The following THEMIS variants were observed in gnomAD, a reference collection of about 807,000 sequenced individuals.
THEMIS encodes the protein thymocyte selection associated, also known as protein THEMIS.
THEMIS carries 37 observed loss-of-function variants against 52.6 expected under a neutral mutation model. That is an observed-to-expected ratio of 0.70 (90% CI 0.54 to 0.93). THEMIS has a LOEUF of 0.93. Ranked by LOEUF, THEMIS falls within the 40% of genes least tolerant of loss-of-function variation. The probability of loss-of-function intolerance (pLI) is 0.00; values close to 1 mark genes in which losing one functional copy is unlikely to be tolerated. For synonymous variants in THEMIS, 292 were observed against 272.7 expected (o/e 1.07, Z -0.70); for missense variants, 808 against 763.1 (o/e 1.06, Z -0.69).
chr6:127,701,429 C>T, the THEMIS span, among the ~76,000 whole-genome samples: 1 of 152,016 alleles, frequency 6.6e-6, no homozygotes, highest in East Asian at 1.9e-4. Context: ...ATGTGTTTGC[C>T]TATTCTACTA....
At chr6:127,913,922 G>A (rs755182005) in intron 1 of THEMIS, among the ~76,000 whole-genome samples, 1 of 152,148 alleles carries the variant, frequency 6.6e-6, no homozygotes, top group Non-Finnish European at 1.5e-5. Context: ...TAAAATGGTG[G>A]AGGCCAAGTC....
intron 4 of THEMIS, among the ~76,000 whole-genome samples, chr6:127,729,396 C>T (rs1168732863): frequency 6.6e-6 from 1 of 152,056 alleles, no homozygotes; most frequent in African/African-American, 2.4e-5. Context: ...GCCTTTTTCT[C>T]TTTTATCAAA....
chr6:127,856,474 T>C (rs1426523707), intron 1 of THEMIS, among the ~76,000 whole-genome samples: 1 of 151,908 alleles, frequency 6.6e-6, no homozygotes, highest in East Asian at 1.9e-4. Context: ...TCCATAGGCA[T>C]CCCATTAGCC....
chr6:127,846,137 G>T (rs962022857), intron 2 of THEMIS, among the ~76,000 whole-genome samples: 3 of 151,990 alleles, frequency 2.0e-5, no homozygotes, highest in Non-Finnish European at 4.4e-5. Flanking sequence ...AGCTAACTAA[G>T]CAGGGACTTC....
intron 1 of THEMIS, among the ~76,000 whole-genome samples, chr6:127,893,799 T>C (rs1780882919): frequency 6.6e-6 from 1 of 152,020 alleles, no homozygotes; most frequent in Non-Finnish European, 1.5e-5. Flanking sequence ...GGAATCTGGC[T>C]CCACTGCCTG....
intron 3 of THEMIS, among the ~76,000 whole-genome samples, chr6:127,816,231 C>T (rs1467641538): frequency 6.6e-6 from 1 of 152,108 alleles, no homozygotes; most frequent in Non-Finnish European, 1.5e-5. Context: ...CCACCCACCC[C>T]TCACACACAC....
chr6:127,872,543 C>G (rs1421412710), intron 1 of THEMIS, among the ~76,000 whole-genome samples: 1 of 152,062 alleles, frequency 6.6e-6, no homozygotes, highest in Non-Finnish European at 1.5e-5. Flanking sequence ...GCCTGGGTGA[C>G]AGAGTGAGAC....
intron 5 of THEMIS, among the ~76,000 whole-genome samples, chr6:127,714,393 T>C (rs1042170670): frequency 5.1e-4 from 77 of 151,892 alleles, no homozygotes; most frequent in African/African-American, 1.8e-3. Flanking sequence ...TTTTTACATG[T>C]CAAAAATATT....
At chr6:127,885,336 T>C (rs1780611943) in intron 1 of THEMIS, among the ~76,000 whole-genome samples, 1 of 152,178 alleles carries the variant, frequency 6.6e-6, no homozygotes, top group Non-Finnish European at 1.5e-5. Context: ...TATTTGGGCT[T>C]CAAGTCCTAG....
chr6:127,907,660 G>T (rs78299490), intron 1 of THEMIS, among the ~76,000 whole-genome samples: 2,672 of 151,918 alleles, frequency 0.018, 87 homozygotes, highest in African/African-American at 0.06. Flanking sequence ...TGGAAGAGGA[G>T]ATATATCAAA....
chr6:127,856,847 C>G (rs2114309158), intron 1 of THEMIS, among the ~76,000 whole-genome samples: 1 of 152,064 alleles, frequency 6.6e-6, no homozygotes, highest in African/African-American at 2.4e-5. Flanking sequence ...ATTTTTCCCC[C>G]AATTGACTCT....
At chr6:127,880,122 G>A (rs557833107) in intron 1 of THEMIS, among the ~76,000 whole-genome samples, 2 of 152,072 alleles carry the variant, frequency 1.3e-5, no homozygotes, top group African/African-American at 4.8e-5. Context: ...TGATGGCTGG[G>A]GCTTTTATTT....
At chr6:127,822,359 T>G (rs993416393) in intron 3 of THEMIS, among the ~76,000 whole-genome samples, 1 of 152,102 alleles carries the variant, frequency 6.6e-6, no homozygotes, top group Admixed American at 6.6e-5. Context: ...AAAGCTATAC[T>G]GTGAATTTCT....
At position 127,709,979 on chromosome 6, in the gene THEMIS, A is replaced by G. The variant is rs1166732808; in HGVS notation, c.*6T>C. 2 of 1,590,364 alleles carry G rather than the reference A, an allele frequency of 1.3e-6. No individual in the cohort carries two copies. Among genetic ancestry groups the G allele is most frequent in the Non-Finnish European group, 1.7e-6 (2 of 1,169,896 alleles). On this transcript the variant is annotated 3_prime_UTR_variant, in exon 6 of 6. Transcript: ENST00000368248. ...TTGCTGCCTAAGTGGCTTCTGTCAC[A>G]TCTTGTTATTTTTGATGTTTTTCAT...
Position 127,824,614 on chromosome 6 carries a change from C to G in THEMIS, c.709+4862G>C, listed in dbSNP as rs1215151029. 2.6e-5 allele frequency among the ~76,000 whole-genome samples: 4 copies of G among 151,826 alleles called. No homozygotes were observed. In the East Asian group the frequency reaches 7.7e-4, roughly 29 times the overall value. Reference sequence around the variant, plus strand: ...ACCAAAACTTAAAAAAAAAAGAACCCCAAAAGAGGAAGATATTTTGCAGTG... The same window carrying G: ...ACCAAAACTTAAAAAAAAAAGAACCGCAAAAGAGGAAGATATTTTGCAGTG... On this transcript the variant is annotated intron_variant, in intron 3 of 5. Transcript: ENST00000368248.
chr6:127,832,615 G>A (rs766248612), intron 2 of THEMIS, among the ~76,000 whole-genome samples: 14 of 151,786 alleles, frequency 9.2e-5, no homozygotes, highest in African/African-American at 1.9e-4. Flanking sequence ...GTGTACAATC[G>A]TTTTATACTG....
chr6:127,760,393 A>G (rs955993879), intron 4 of THEMIS, among the ~76,000 whole-genome samples: 1 of 152,128 alleles, frequency 6.6e-6, no homozygotes, highest in African/African-American at 2.4e-5. Context: ...GACTTTCAGA[A>G]TTATTTTTTC....
chr6:127,893,691 C>CA (rs1780878828), intron 1 of THEMIS, among the ~76,000 whole-genome samples: 1 of 152,080 alleles, frequency 6.6e-6, no homozygotes, highest in Non-Finnish European at 1.5e-5. Flanking sequence ...TCCAATACTA[C>CA]AGAACCTCAC....
chr6:127,761,030 T>A (rs1776004609), intron 4 of THEMIS, among the ~76,000 whole-genome samples: 1 of 151,788 alleles, frequency 6.6e-6, no homozygotes, highest in Non-Finnish European at 1.5e-5. Flanking sequence ...TGGGAGAAAA[T>A]GTTTGCAAAT....
Sources: allele counts gnomAD v4.1 joint callset (sites outside exome capture counted in the v4.1 genomes callset), GRCh38; gene constraint gnomAD v4.1.1; transcripts MANE v1.5; gene names NCBI Gene and HGNC (gene_info 2026-07-23, HGNC 2026-07-21).